The following ITGA8 variants were observed in gnomAD, a reference collection of about 807,000 sequenced individuals.
ITGA8 encodes integrin alpha-8.
ITGA8 carries 91 observed loss-of-function variants against 142.3 expected under a neutral mutation model. That is an observed-to-expected ratio of 0.64 (90% CI 0.54 to 0.76). ITGA8 has a LOEUF of 0.76. Ranked by LOEUF, ITGA8 falls within the 30% of genes least tolerant of loss-of-function variation. The pLI is 0.00. For synonymous variants in ITGA8, 505 were observed against 485.2 expected, an observed-to-expected ratio of 1.04 and a Z score of -0.54; for missense variants, 1,406 against 1,327.7, an observed-to-expected ratio of 1.06 and a Z score of -0.92.
intron 11 of ITGA8, among the ~76,000 whole-genome samples, chr10:15,654,366 T>C (rs1001434904): frequency 6.6e-6 from 1 of 152,230 alleles, no homozygotes; most frequent in Non-Finnish European, 1.5e-5. Flanking sequence ...CATGAAGTTA[T>C]GGATTTCTCT....
intron 23 of ITGA8, among the ~76,000 whole-genome samples, chr10:15,577,747 A>G (rs562294566): frequency 6.6e-6 from 1 of 152,220 alleles, no homozygotes; most frequent in East Asian, 1.9e-4. Context: ...CAAGCAAGCA[A>G]CACAGAATAT....
At chr10:15,533,192 A>G (rs1422208574) in intron 27 of ITGA8, among the ~76,000 whole-genome samples, 1 of 152,206 alleles carries the variant, frequency 6.6e-6, no homozygotes, top group Non-Finnish European at 1.5e-5. Context: ...TCTCCATTAG[A>G]TAAACGCTTT....
chr10:15,521,030 T>G (rs1833056856), intron 28 of ITGA8, among the ~76,000 whole-genome samples: 1 of 152,164 alleles, frequency 6.6e-6, no homozygotes, highest in African/African-American at 2.4e-5. Context: ...TGTTTCTTTG[T>G]TTTTGTGAGA....
intron 25 of ITGA8, among the ~76,000 whole-genome samples, chr10:15,571,051 G>T (rs1179666652): frequency 1.3e-5 from 2 of 152,008 alleles, no homozygotes; most frequent in Non-Finnish European, 2.9e-5. Context: ...GAGCAAAGAG[G>T]AAATGAGAAA....
chr10:15,638,733 G>A (rs1833816183), intron 13 of ITGA8, among the ~76,000 whole-genome samples: 1 of 152,072 alleles, frequency 6.6e-6, no homozygotes, highest in Admixed American at 6.5e-5. Flanking sequence ...AATTCTGCAG[G>A]TAACCAGGTA....
rs11259724 is a variant in ITGA8 at position 15,525,128 on chromosome 10, C to G, written c.2983-5716G>C. On this transcript the variant is annotated intron_variant, in intron 28 of 29. Transcript: ENST00000378076. ...GGCTCAAGCAATCCTCCTGCTTCAG[C>G]CTCTTGAGTAGCTGGGACTACAGGG... Among the ~76,000 whole-genome samples, 343 of 152,208 alleles carry G rather than the reference C, an allele frequency of 2.3e-3. 5 individuals are homozygous for G. The East Asian group carries it at 0.061, about 27-fold the overall frequency.
At chr10:15,682,140 C>T (rs983934645) in intron 4 of ITGA8, among the ~76,000 whole-genome samples, 2 of 152,144 alleles carry the variant, frequency 1.3e-5, no homozygotes, top group Non-Finnish European at 2.9e-5. Context: ...CCCCTGGCTT[C>T]CCCAGCACAG....
chr10:15,521,018 T>A (rs1002040719), intron 28 of ITGA8, among the ~76,000 whole-genome samples: 12 of 152,136 alleles, frequency 7.9e-5, no homozygotes, highest in Non-Finnish European at 1.5e-4. Flanking sequence ...CTTTTGTGTA[T>A]TTGTTTCTTT....
intron 20 of ITGA8, among the ~76,000 whole-genome samples, chr10:15,603,635 T>C (rs1461151338): frequency 6.6e-6 from 1 of 152,216 alleles, no homozygotes; most frequent in Non-Finnish European, 1.5e-5. Context: ...AATAGCATTG[T>C]TGTCATTTAA....
intron 9 of ITGA8, among the ~76,000 whole-genome samples, chr10:15,659,363 G>C (rs951575816): frequency 1.3e-5 from 2 of 152,160 alleles, no homozygotes; most frequent in Non-Finnish European, 2.9e-5. Flanking sequence ...GATTTAGTCA[G>C]GATTTTTGTC....
chr10:15,524,145 G>A (rs969975665), intron 28 of ITGA8, among the ~76,000 whole-genome samples: 1 of 152,132 alleles, frequency 6.6e-6, no homozygotes, highest in African/African-American at 2.4e-5. Context: ...CATCCATATG[G>A]TACTGAGGCG....
At chr10:15,637,517 T>TTTG (rs375343777) in intron 13 of ITGA8, among the ~76,000 whole-genome samples, 25,784 of 149,846 alleles carry the variant, frequency 0.17, 2,551 homozygotes, top group Admixed American at 0.28. Flanking sequence ...TTTTTTTTTT[T>TTTG]TTTTTGTTTT....
chr10:15,562,740 C>T (rs898804383), intron 25 of ITGA8, among the ~76,000 whole-genome samples: 9 of 152,126 alleles, frequency 5.9e-5, no homozygotes, highest in South Asian at 2.1e-4. Context: ...GTGCATGGAC[C>T]GGAGGGTAGG....
At chr10:15,677,340 T>C (rs896203147) in intron 6 of ITGA8, among the ~76,000 whole-genome samples, 1 of 152,236 alleles carries the variant, frequency 6.6e-6, no homozygotes, top group East Asian at 1.9e-4. Context: ...TTATGCTAAT[T>C]ACCCTGATTT....
intron 25 of ITGA8, among the ~76,000 whole-genome samples, chr10:15,561,541 A>C (rs911131052): frequency 2.0e-5 from 3 of 152,110 alleles, no homozygotes; most frequent in Non-Finnish European, 1.5e-5. Flanking sequence ...TTGGAAGAGA[A>C]TACAGAGTCA....
chr10:15,692,001 A>G (rs1419842921), intron 2 of ITGA8, among the ~76,000 whole-genome samples: 1 of 152,158 alleles, frequency 6.6e-6, no homozygotes, highest in Admixed American at 6.5e-5. Flanking sequence ...CAGTGGCACG[A>G]TCACAGTTCA....
chr10:15,534,596 T>G (rs1032420023), intron 27 of ITGA8, among the ~76,000 whole-genome samples: 3 of 152,200 alleles, frequency 2.0e-5, no homozygotes, highest in Non-Finnish European at 4.4e-5. Flanking sequence ...ATGAAAGATC[T>G]TTCCATTATT....
At chr10:15,652,961 C>T (rs1834116403) in intron 11 of ITGA8, among the ~76,000 whole-genome samples, 3 of 152,332 alleles carry the variant, frequency 2.0e-5, no homozygotes, top group South Asian at 4.1e-4. Context: ...GCTCACAGGA[C>T]GTTGTAGCCT....
At chr10:15,697,605 C>T (rs1182643478) in intron 2 of ITGA8, among the ~76,000 whole-genome samples, 1 of 152,192 alleles carries the variant, frequency 6.6e-6, no homozygotes, top group Admixed American at 6.5e-5. Flanking sequence ...CTCAATTCTG[C>T]CCTGTAACAA....
Sources: allele counts gnomAD v4.1 joint callset (sites outside exome capture counted in the v4.1 genomes callset), GRCh38; gene constraint gnomAD v4.1.1; transcripts MANE v1.5; gene names NCBI Gene and HGNC (gene_info 2026-07-23, HGNC 2026-07-21).